ARMH4: variants seen among roughly 807,000 people sequenced by gnomAD.
ARMH4 encodes armadillo-like helical domain-containing protein 4.
Under a neutral mutation model 61.9 loss-of-function variants are expected in ARMH4, and 49 were observed. The ratio of observed to expected loss-of-function variants is 0.79; its 90% confidence interval spans 0.63 to 1.00. ARMH4 has a LOEUF of 1.00. ARMH4 is among the 50% of genes least tolerant of loss of function. The pLI is 0.00. For missense variants in ARMH4, 934 were observed against 930.0 expected, an observed-to-expected ratio of 1.00 and a Z score of -0.06; for synonymous variants, 368 against 341.5, an observed-to-expected ratio of 1.08 and a Z score of -0.85.
intron 4 of ARMH4, among the ~76,000 whole-genome samples, chr14:58,123,723 C>T (rs1886805544): frequency 6.6e-6 from 1 of 152,220 alleles, no homozygotes; most frequent in Non-Finnish European, 1.5e-5. Flanking sequence ...AACGTCTCAA[C>T]TCACCTGGAC....
At chr14:58,127,385 T>C (rs2141319036) in intron 4 of ARMH4, among the ~76,000 whole-genome samples, 1 of 152,292 alleles carries the variant, frequency 6.6e-6, no homozygotes, top group Admixed American at 6.5e-5. Context: ...GCAGTTCCCC[T>C]ATACAAGCTC....
rs1566600101 is a variant in ARMH4 at position 58,138,818 on chromosome 14, T to C, written c.541A>G (p.Lys181Glu). ...TTATCCATATACTTCAGAAAACCTT[T>C]TGTGGTTTCTGTGATCTCTTCTACA... The part of the protein sequence containing the change: ...PIVEEITETT[K>E]GFLKYMDNQS... The change falls in exon 2 of 8, where the codon AAA becomes GAA. Residue 181 changes from lysine to glutamate, a missense_variant. By Grantham distance (56) the Lys-to-Glu change is moderately conservative. Coordinates refer to ENST00000267485, the MANE Select transcript of ARMH4 (RefSeq NM_001001872.4). 2 of 1,614,226 alleles carry C rather than the reference T, an allele frequency of 1.2e-6. No homozygotes were observed. Among genetic ancestry groups the C allele is most frequent in the East Asian group, 4.5e-5 (2 of 44,886 alleles).
chr14:58,063,782 T>A (rs534430294), intron 5 of ARMH4, among the ~76,000 whole-genome samples: 1 of 152,234 alleles, frequency 6.6e-6, no homozygotes, highest in African/African-American at 2.4e-5. Context: ...GCTGCACGGG[T>A]AGCTCTCAAT....
At chr14:58,053,079 C>T (rs1009227345) in intron 5 of ARMH4, among the ~76,000 whole-genome samples, 4 of 152,214 alleles carry the variant, frequency 2.6e-5, no homozygotes, top group East Asian at 1.9e-4. Context: ...ATCCACTCTT[C>T]TTCCTGTCCC....
rs191723331 is a variant in ARMH4, at chr14:58,132,865, G to C, written c.1621+225C>G. Among the ~76,000 whole-genome samples, 87 of 152,228 alleles carry C rather than the reference G, an allele frequency of 5.7e-4. 1 individual carries two copies. Among genetic ancestry groups the C allele is most frequent in the Admixed American group, 1.5e-3 (23 of 15,298 alleles). ...CTCCCAAAGTGCTGGGATTACAGGC[G>C]TGAGCCACTGCGCCCGGCCAACCCT... On this transcript the variant is annotated intron_variant, in intron 3 of 7. Coordinates refer to ENST00000267485, the MANE Select transcript of ARMH4 (RefSeq NM_001001872.4).
intron 5 of ARMH4, among the ~76,000 whole-genome samples, chr14:58,042,002 C>T (rs1364754769): frequency 6.6e-6 from 1 of 152,024 alleles, no homozygotes; most frequent in Non-Finnish European, 1.5e-5. Flanking sequence ...TAATGGGAGA[C>T]TTTAACACCC....
chr14:58,143,204 A>G (rs1367049453), intron 1 of ARMH4, among the ~76,000 whole-genome samples: 1 of 152,198 alleles, frequency 6.6e-6, no homozygotes, highest in East Asian at 1.9e-4. Flanking sequence ...TCTTGAGTCC[A>G]CAATGCTGCA....
At chr14:58,115,347 G>A (rs892814875) in intron 4 of ARMH4, among the ~76,000 whole-genome samples, 6 of 152,162 alleles carry the variant, frequency 3.9e-5, no homozygotes, top group African/African-American at 1.4e-4. Context: ...AATCATTAGA[G>A]AAATGCAAAT....
chr14:58,147,626 G>C (rs1165156945), intron 1 of ARMH4, among the ~76,000 whole-genome samples: 1 of 152,040 alleles, frequency 6.6e-6, no homozygotes, highest in Non-Finnish European at 1.5e-5. Flanking sequence ...TTATTCTTAA[G>C]AATAAAAATT....
intron 2 of ARMH4, among the ~76,000 whole-genome samples, chr14:58,134,359 T>C (rs1338789365): frequency 1.3e-5 from 2 of 152,164 alleles, no homozygotes; most frequent in African/African-American, 4.8e-5. Context: ...CTTTACAACA[T>C]TATAATTCCC....
At chr14:58,010,248 AT>A (rs1566538113) in intron 6 of ARMH4, among the ~76,000 whole-genome samples, 3 of 34,076 alleles carry the variant, frequency 8.8e-5, no homozygotes, top group Non-Finnish European at 2.2e-4. Context: ...AGATATATGT[AT>A]ATATATATAT....
chr14:58,097,235 G>C (rs1188267138), intron 4 of ARMH4, among the ~76,000 whole-genome samples: 1 of 152,180 alleles, frequency 6.6e-6, no homozygotes, highest in Non-Finnish European at 1.5e-5. Context: ...CAAAGTTCAA[G>C]TAATATGATT....
chr14:58,070,952 T>C (rs1884864521), intron 5 of ARMH4, among the ~76,000 whole-genome samples: 1 of 152,138 alleles, frequency 6.6e-6, no homozygotes, highest in African/African-American at 2.4e-5. Context: ...CACAAATAAA[T>C]GAGAACATGT....
chr14:58,138,527 C>A lies in ARMH4; in HGVS notation c.832G>T (p.Glu278Ter). 1 of 1,614,200 alleles carries A rather than the reference C, an allele frequency of 6.2e-7. No homozygotes were observed. Among genetic ancestry groups the A allele is most frequent in the Non-Finnish European group, 8.5e-7 (1 of 1,180,028 alleles). The stretch of plus-strand genomic sequence containing the variant: ...TCTGGCTCAACACTCAGGGTGTACT[C>A]GGAAGTTTCGAGTGGTTGCTTGGTG... The part of the protein sequence containing the change: ...AATKQPLETS[E>*]YTLSVEPETD... The change falls in exon 2 of 8, where the codon GAG becomes TAG. Residue 278 changes from glutamate (E) to a stop codon, truncating the protein, a stop_gained. Coordinates refer to ENST00000267485, the MANE Select transcript of ARMH4 (RefSeq NM_001001872.4). LOFTEE classifies it high-confidence loss of function.
chr14:58,112,050 C>G (rs1019158174), intron 4 of ARMH4, among the ~76,000 whole-genome samples: 1 of 152,064 alleles, frequency 6.6e-6, no homozygotes, highest in Admixed American at 6.6e-5. Context: ...ACTCTTATGA[C>G]CTCATATAAC....
rs915054075 is a variant in ARMH4, at chr14:58,031,202, C to T, written c.2090-19052G>A. On this transcript the variant is annotated intron_variant, in intron 5 of 7. Coordinates refer to ENST00000267485, the MANE Select transcript of ARMH4 (RefSeq NM_001001872.4). The stretch of plus-strand genomic sequence containing the variant: ...AATTGAATTGTGTTTCTTCAGCAGA[C>T]ATAATTAAATCCCAAAGCTCTGAGC... Among the ~76,000 whole-genome samples the T allele has an allele frequency of 3.3e-5, 5 of 152,294 alleles. No homozygotes were observed. The South Asian group carries it at 6.2e-4, about 19-fold the overall frequency.
chr14:58,048,960 GGGCACCGTGGCTCAT>G (rs780754478), intron 5 of ARMH4, among the ~76,000 whole-genome samples: 1 of 152,102 alleles, frequency 6.6e-6, no homozygotes, highest in Non-Finnish European at 1.5e-5. Context: ...AAAACTGGCT[GGGCACCGTGGCTCAT>G]GCCTGTAATC....
At chr14:58,128,828 G>A (rs1886988479) in intron 4 of ARMH4, among the ~76,000 whole-genome samples, 1 of 152,188 alleles carries the variant, frequency 6.6e-6, no homozygotes, top group Non-Finnish European at 1.5e-5. Flanking sequence ...CTGACCGGTA[G>A]TACCAGTGAA....
At chr14:58,058,970 T>A (rs1161027458) in intron 5 of ARMH4, among the ~76,000 whole-genome samples, 1 of 152,192 alleles carries the variant, frequency 6.6e-6, no homozygotes, top group African/African-American at 2.4e-5. Flanking sequence ...ACTGGAATGT[T>A]CTATCATAGT....
Sources: gnomAD v4.1 joint callset for allele counts (sites outside exome capture counted in the v4.1 genomes callset) on GRCh38, gnomAD v4.1.1 for gene constraint, MANE v1.5 for transcripts, NCBI Gene and HGNC (gene_info 2026-07-23, HGNC 2026-07-21) for gene names.